Variants in CTXN2 observed in about 807,000 individuals in gnomAD.
CTXN2 encodes the protein cortexin-2.
Under a neutral mutation model 5.7 loss-of-function variants are expected in CTXN2, and 3 were observed. The ratio of observed to expected loss-of-function variants is 0.53; its 90% CI spans 0.24 to 1.36. The LOEUF (loss-of-function observed/expected upper bound fraction) is 1.36. Among genes scored for constraint, CTXN2 ranks in the 40% most tolerant of loss-of-function variants. CTXN2 has a pLI of 0.17. For missense variants in CTXN2, 87 were observed against 93.0 expected (o/e 0.94, Z 0.26); for synonymous variants, 38 against 36.4 (o/e 1.04, Z -0.16).
chr15:48,181,627 C>G (rs560991845), intron 1 of CTXN2, among the ~76,000 whole-genome samples: 1 of 152,138 alleles, frequency 6.6e-6, no homozygotes, highest in African/African-American at 2.4e-5. Context: ...GAAAAAGAAA[C>G]TAGACAAAAA....
At chr15:48,179,698 AAAAG>A (rs2040677320) in intron 1 of CTXN2, among the ~76,000 whole-genome samples, 1 of 152,218 alleles carries the variant, frequency 6.6e-6, no homozygotes, top group Non-Finnish European at 1.5e-5. Flanking sequence ...GGTGAGGATT[AAAAG>A]AAAGCACTTT....
At chr15:48,181,816 G>C (rs2040703636) in intron 1 of CTXN2, among the ~76,000 whole-genome samples, 1 of 151,904 alleles carries the variant, frequency 6.6e-6, no homozygotes, top group Non-Finnish European at 1.5e-5. Context: ...CAAAAAGTAT[G>C]GTATAATTTT....
At chr15:48,197,472 TCAC>T (rs913429436) in intron 1 of CTXN2, among the ~76,000 whole-genome samples, 10 of 152,196 alleles carry the variant, frequency 6.6e-5, no homozygotes, top group Admixed American at 2.0e-4. Flanking sequence ...GTGTCTGTCT[TCAC>T]CACTGGATGT....
chr15:48,202,940 A>T lies in CTXN2; in HGVS notation c.*1394A>T, dbSNP rs2040940044. On this transcript the variant is annotated 3_prime_UTR_variant, in exon 2 of 2. Transcript: ENST00000417307. Reference sequence around the variant, plus strand: ...TTGAAAACACAGAACTGCAAAACATACCATGAAGGAACAAGACTAATATTA... The same window carrying T: ...TTGAAAACACAGAACTGCAAAACATTCCATGAAGGAACAAGACTAATATTA... 1.2e-5 allele frequency: 2 copies of T among 165,890 alleles called. No individual in the cohort carries two copies. Among genetic ancestry groups the T allele is most frequent in the South Asian group, 4.1e-4 (2 of 4,828 alleles). 10.3% of individuals were successfully genotyped at this position (165,890 alleles called of 1,614,324 possible).
chr15:48,183,474 A>G (rs2040718910), intron 1 of CTXN2, among the ~76,000 whole-genome samples: 1 of 152,216 alleles, frequency 6.6e-6, no homozygotes, highest in African/African-American at 2.4e-5. Context: ...AAAATTCATC[A>G]TCTTATACCA....
upstream of CTXN2, chr15:48,188,957 T>C (rs1416589923): frequency 1.3e-5 from 2 of 152,204 alleles, no homozygotes; most frequent in Non-Finnish European, 2.9e-5. Flanking sequence ...ACCATATTAT[T>C]TTGCCACGTA....
intron 1 of CTXN2, chr15:48,192,192 CA>C: frequency 5.3e-6 from 1 of 190,168 alleles, no homozygotes; most frequent in Non-Finnish European, 1.1e-5. Context: ...GACCTGGAAA[CA>C]AACAACGCAG....
At chr15:48,191,080 T>C (rs1188705713), upstream of CTXN2, 2 of 152,414 alleles carry the variant, frequency 1.3e-5, no homozygotes, top group Non-Finnish European at 2.9e-5. Context: ...GGAAGGGGAT[T>C]CAGTTGTGTT....
intron 1 of CTXN2, among the ~76,000 whole-genome samples, chr15:48,194,214 A>ATTT (rs11373642): frequency 2.2e-4 from 32 of 147,690 alleles, no homozygotes; most frequent in African/African-American, 7.8e-4. Flanking sequence ...TTCTCAACCC[A>ATTT]TTTTTTTTTT....
At chr15:48,194,034 T>C (rs888222202) in intron 1 of CTXN2, among the ~76,000 whole-genome samples, 1 of 152,190 alleles carries the variant, frequency 6.6e-6, no homozygotes, top group Non-Finnish European at 1.5e-5. Context: ...TATTTGCTTG[T>C]GTAGGCACAG....
chr15:48,189,800 C>T (rs916269077), upstream of CTXN2, among the ~76,000 whole-genome samples: 4 of 152,082 alleles, frequency 2.6e-5, no homozygotes, highest in African/African-American at 9.7e-5. Flanking sequence ...CATCTTGCTA[C>T]TTTATTTTTA....
intron 1 of CTXN2, among the ~76,000 whole-genome samples, chr15:48,180,444 A>C (rs1358557109): frequency 6.6e-6 from 1 of 152,148 alleles, no homozygotes; most frequent in Non-Finnish European, 1.5e-5. Context: ...AAAAACTATT[A>C]ATATTCTGTT....
upstream of CTXN2, among the ~76,000 whole-genome samples, chr15:48,188,342 A>G (rs1482548485): frequency 6.6e-6 from 1 of 152,186 alleles, no homozygotes; most frequent in African/African-American, 2.4e-5. Context: ...AATTAGTTAC[A>G]TGATTTTCAT....
chr15:48,201,673 AT>A lies in CTXN2; in HGVS notation c.*130del. The A allele has an allele frequency of 1.1e-6, 1 of 875,452 alleles. No homozygotes were observed. The highest frequency in any genetic ancestry group is 1.8e-6 in the Non-Finnish European group (1 of 569,726). 54.2% of individuals were successfully genotyped at this position (875,452 alleles called of 1,614,324 possible). ...TGAATTCAATAAACATCTGTGACTA[AT>A]TTCTTCACCATGCTGTGTAAATGAT... On this transcript the variant is annotated 3_prime_UTR_variant, in exon 2 of 2. Transcript: ENST00000417307.
At chr15:48,183,145 G>A (rs2040714791) in intron 1 of CTXN2, among the ~76,000 whole-genome samples, 1 of 152,296 alleles carries the variant, frequency 6.6e-6, no homozygotes, top group African/African-American at 2.4e-5. Flanking sequence ...GGGCAAAAAC[G>A]ATGCTAAGTG....
intron 1 of CTXN2, among the ~76,000 whole-genome samples, chr15:48,193,374 ATTGT>A (rs1303353666): frequency 3.8e-5 from 5 of 131,318 alleles, no homozygotes; most frequent in South Asian, 2.8e-4. Context: ...TAAACTGTGC[ATTGT>A]TTATTTTACC....
At chr15:48,196,963 T>A (rs1365864845) in intron 1 of CTXN2, among the ~76,000 whole-genome samples, 1 of 151,868 alleles carries the variant, frequency 6.6e-6, no homozygotes, top group East Asian at 1.9e-4. Context: ...TTAACTCATT[T>A]AATGTAGCTA....
chr15:48,201,593 C>G lies in CTXN2; in HGVS notation c.*47C>G. 2.6e-6 allele frequency: 4 copies of G among 1,539,846 alleles called. No homozygotes were observed. The highest frequency in any genetic ancestry group is 3.5e-6 in the Non-Finnish European group (4 of 1,138,812). On this transcript the variant is annotated 3_prime_UTR_variant, in exon 2 of 2. Coordinates refer to ENST00000417307, the MANE Select transcript of CTXN2 (RefSeq NM_001145668.2). Reference sequence around the variant, plus strand: ...TATGGTTGTGCCATCGGGACACATTCTGGATACAATTGTAACTACCTTGAG... The same window carrying G: ...TATGGTTGTGCCATCGGGACACATTGTGGATACAATTGTAACTACCTTGAG...
chr15:48,179,755 T>C (rs1462435297), intron 1 of CTXN2, among the ~76,000 whole-genome samples: 1 of 152,228 alleles, frequency 6.6e-6, no homozygotes, highest in Non-Finnish European at 1.5e-5. Context: ...AATATTACAA[T>C]TCTCTATCTC....
Sources: gnomAD v4.1 joint callset for allele counts (sites outside exome capture counted in the v4.1 genomes callset) on GRCh38, gnomAD v4.1.1 for gene constraint, MANE v1.5 for transcripts, NCBI Gene and HGNC (gene_info 2026-07-23, HGNC 2026-07-21) for gene names.